UNC5D: variants seen among roughly 807,000 people sequenced by gnomAD.
The protein encoded by UNC5D is netrin receptor UNC5D.
A neutral mutation model predicts 105.4 loss-of-function variants in UNC5D; 39 were observed. The observed-to-expected ratio is 0.37, with a 90% CI of 0.29 to 0.48. The LOEUF is 0.48. Among genes scored for constraint, UNC5D ranks in the 20% least tolerant of loss-of-function variants. The pLI is 0.98. For missense variants in UNC5D, 991 were observed against 1,202.4 expected, an observed-to-expected ratio of 0.82 and a Z score of 2.60; for synonymous variants, 452 against 450.4, an observed-to-expected ratio of 1.00 and a Z score of -0.04.
intron 4 of UNC5D, among the ~76,000 whole-genome samples, chr8:35,601,044 T>G (rs1239496807): frequency 6.6e-6 from 1 of 152,166 alleles, no homozygotes; most frequent in African/African-American, 2.4e-5. Context: ...CAGCACCATT[T>G]ATTAAATAGG....
intron 1 of UNC5D, among the ~76,000 whole-genome samples, chr8:35,394,381 G>T (rs1344044356): frequency 6.6e-6 from 1 of 152,018 alleles, no homozygotes; most frequent in Non-Finnish European, 1.5e-5. Context: ...ATACAAAAAA[G>T]TTGTACACTA....
intron 1 of UNC5D, among the ~76,000 whole-genome samples, chr8:35,449,107 A>C (rs1428283930): frequency 6.6e-6 from 1 of 152,184 alleles, no homozygotes; most frequent in African/African-American, 2.4e-5. Flanking sequence ...TGGACACTTA[A>C]ACTGATGACA....
At chr8:35,667,307 G>C (rs1283813772) in intron 4 of UNC5D, among the ~76,000 whole-genome samples, 1 of 152,146 alleles carries the variant, frequency 6.6e-6, no homozygotes. Flanking sequence ...AGTCAGCTGG[G>C]TGCTGTGTGT....
intron 1 of UNC5D, among the ~76,000 whole-genome samples, chr8:35,432,163 C>A (rs1265861804): frequency 6.6e-6 from 1 of 151,928 alleles, no homozygotes. Flanking sequence ...TTTATCTATA[C>A]AATAGGGAAA....
At chr8:35,434,379 G>A (rs1032524169) in intron 1 of UNC5D, among the ~76,000 whole-genome samples, 1 of 151,784 alleles carries the variant, frequency 6.6e-6, no homozygotes, top group Non-Finnish European at 1.5e-5. Context: ...ATTTTTTTTG[G>A]GTGGGGGTAT....
At chr8:35,619,609 C>A (rs1044944740) in intron 4 of UNC5D, among the ~76,000 whole-genome samples, 1 of 152,166 alleles carries the variant, frequency 6.6e-6, no homozygotes, top group African/African-American at 2.4e-5. Context: ...TTTTAAGGAG[C>A]TGGTAATCCA....
intron 1 of UNC5D, among the ~76,000 whole-genome samples, chr8:35,484,301 T>C (rs1810686093): frequency 6.6e-6 from 1 of 152,218 alleles, no homozygotes; most frequent in African/African-American, 2.4e-5. Context: ...TTGGCTATAC[T>C]CACTGTCTAG....
chr8:35,379,277 G>C (rs182478237), intron 1 of UNC5D, among the ~76,000 whole-genome samples: 30 of 152,232 alleles, frequency 2.0e-4, no homozygotes, highest in Admixed American at 1.6e-3. Flanking sequence ...AGGACACTGT[G>C]CATGTTGCTT....
intron 1 of UNC5D, among the ~76,000 whole-genome samples, chr8:35,249,525 T>C (rs1299543545): frequency 2.0e-5 from 3 of 150,306 alleles, no homozygotes; most frequent in Non-Finnish European, 4.4e-5. Context: ...ACCACTGCAC[T>C]CCAGTCTGGG....
intron 4 of UNC5D, among the ~76,000 whole-genome samples, chr8:35,625,922 A>C (rs1006511608): frequency 7.9e-5 from 12 of 152,222 alleles, no homozygotes; most frequent in Non-Finnish European, 1.6e-4. Flanking sequence ...GCAATAAGCA[A>C]ACATTGTTGC....
At chr8:35,471,243 A>G (rs1486270434) in intron 1 of UNC5D, among the ~76,000 whole-genome samples, 1 of 152,152 alleles carries the variant, frequency 6.6e-6, no homozygotes, top group African/African-American at 2.4e-5. Context: ...CTAAGATCCA[A>G]GTAGTAACTA....
At chr8:35,259,466 C>T (rs1652465934) in intron 1 of UNC5D, among the ~76,000 whole-genome samples, 1 of 152,134 alleles carries the variant, frequency 6.6e-6, no homozygotes, top group African/African-American at 2.4e-5. Context: ...TGAGCTGAGG[C>T]TGCTGCCTCG....
intron 4 of UNC5D, among the ~76,000 whole-genome samples, chr8:35,604,512 A>G: frequency 6.6e-6 from 1 of 151,920 alleles, no homozygotes; most frequent in Non-Finnish European, 1.5e-5. Flanking sequence ...GAATCTGACA[A>G]TTGTGTGTCT....
intron 1 of UNC5D, among the ~76,000 whole-genome samples, chr8:35,301,445 G>T (rs1807951123): frequency 6.6e-6 from 1 of 152,188 alleles, no homozygotes; most frequent in African/African-American, 2.4e-5. Context: ...CTCAAAACCA[G>T]AAGAGGTTTA....
intron 1 of UNC5D, among the ~76,000 whole-genome samples, chr8:35,242,618 C>T (rs1447289078): frequency 6.6e-6 from 1 of 152,110 alleles, no homozygotes; most frequent in Non-Finnish European, 1.5e-5. Context: ...GCTGGGATTA[C>T]AGGCATGCAC....
chr8:35,538,397 ATATATATATATAT>A (rs1654350130), intron 1 of UNC5D, among the ~76,000 whole-genome samples: 13 of 47,018 alleles, frequency 2.8e-4, no homozygotes, highest in East Asian at 7.9e-4. Context: ...AAAAATAATT[ATATATATATATAT>A]ATATATATAT....
intron 8 of UNC5D, among the ~76,000 whole-genome samples, chr8:35,715,915 G>A (rs1448154893): frequency 6.6e-6 from 1 of 152,160 alleles, no homozygotes; most frequent in Non-Finnish European, 1.5e-5. Flanking sequence ...AGGAGTAGGG[G>A]TCTTGAAGGA....
chr8:35,281,696 G>C (rs190764860), intron 1 of UNC5D, among the ~76,000 whole-genome samples: 1 of 152,228 alleles, frequency 6.6e-6, no homozygotes, highest in East Asian at 1.9e-4. Flanking sequence ...ATGTTCTCCT[G>C]TGAGCATGCC....
chr8:35,493,434 A>C, intron 1 of UNC5D, among the ~76,000 whole-genome samples: 1 of 152,252 alleles, frequency 6.6e-6, no homozygotes, highest in East Asian at 1.9e-4. Context: ...GTGTGTTATG[A>C]AATGTTGTGT....
Sources: allele counts gnomAD v4.1 joint callset (sites outside exome capture counted in the v4.1 genomes callset), GRCh38; gene constraint gnomAD v4.1.1; transcripts MANE v1.5; gene names NCBI Gene and HGNC (gene_info 2026-07-23, HGNC 2026-07-21).